Variants in HECW1 observed in about 807,000 individuals in gnomAD.
HECW1 encodes HECT, C2 and WW domain containing E3 ubiquitin protein ligase 1.
A neutral mutation model predicts 182.3 loss-of-function variants in HECW1; 61 were observed. That is an observed-to-expected ratio of 0.33 (90% confidence interval 0.27 to 0.41). The LOEUF (loss-of-function observed/expected upper bound fraction) is 0.41. Among genes scored for constraint, HECW1 ranks in the 10% least tolerant of loss-of-function variants. HECW1 has a pLI of 1.00. For missense variants in HECW1, 1,739 were observed against 2,108.9 expected (o/e 0.82, Z 3.44); for synonymous variants, 859 against 832.6 (o/e 1.03, Z -0.55).
intron 2 of HECW1, among the ~76,000 whole-genome samples, chr7:43,225,851 C>T (rs773750446): frequency 2.0e-5 from 3 of 151,824 alleles, no homozygotes; most frequent in Non-Finnish European, 2.9e-5. Flanking sequence ...GTAGTATGAT[C>T]GCAGCTGTCT....
At chr7:43,321,489 T>C (rs1810109364) in intron 5 of HECW1, among the ~76,000 whole-genome samples, 1 of 152,220 alleles carries the variant, frequency 6.6e-6, no homozygotes, top group Non-Finnish European at 1.5e-5. Flanking sequence ...GATTATGGGC[T>C]TGACATTTGC....
chr7:43,194,452 C>G (rs1469132426), intron 2 of HECW1: 1 of 152,066 alleles, frequency 6.6e-6, no homozygotes, highest in Non-Finnish European at 1.5e-5. Flanking sequence ...ATTTGTCTAG[C>G]AGGTTTTCCA....
intron 8 of HECW1, among the ~76,000 whole-genome samples, chr7:43,416,931 A>T (rs1191711836): frequency 6.6e-6 from 1 of 151,632 alleles, no homozygotes. Context: ...ACTGCCTGGC[A>T]CTCCCTAGTG....
intron 3 of HECW1, chr7:43,274,674 C>T (rs977789303): frequency 3.5e-6 from 1 of 281,976 alleles, no homozygotes; most frequent in African/African-American, 2.3e-5. Context: ...CGAGAGAGAG[C>T]GCGCAGTAAA....
intron 24 of HECW1, among the ~76,000 whole-genome samples, chr7:43,518,750 A>C (rs2152936354): frequency 6.6e-6 from 1 of 152,328 alleles, no homozygotes; most frequent in South Asian, 2.1e-4. Flanking sequence ...TGATTGATAA[A>C]CCCATTAAAA....
rs116629107 is a variant in HECW1 at position 43,473,448 on chromosome 7, A to G, written c.3099+4343A>G. On this transcript the variant is annotated intron_variant, in intron 16 of 29. Coordinates refer to ENST00000395891, the MANE Select transcript of HECW1 (RefSeq NM_015052.5). ...TTAATAGTGAGAAAATGATAGTATA[A>G]AAAGGACTAGTGGTGAGTATTTAAA... Among the ~76,000 whole-genome samples, 1,351 of 152,352 alleles carry G rather than the reference A, an allele frequency of 8.9e-3. 28 individuals are homozygous for G. Among genetic ancestry groups the G allele is most frequent in the African/African-American group, 0.03 (1,240 of 41,572 alleles).
rs192295169 is a variant in HECW1 at position 43,267,802 on chromosome 7, A to G, written c.27+23870A>G. Among the ~76,000 whole-genome samples, 135 of 152,272 alleles carry G rather than the reference A, an allele frequency of 8.9e-4. No homozygotes were observed. The Middle Eastern group carries it at 0.01, about 12-fold the overall frequency. ...AGAAATTTTTATGTTCAGAATTTTA[A>G]TAATATATTTGAAAGACTTGATGAG... On this transcript the variant is annotated intron_variant, in intron 3 of 29. Coordinates refer to ENST00000395891, the MANE Select transcript of HECW1 (RefSeq NM_015052.5).
chr7:43,460,740 G>A (rs570296976), intron 13 of HECW1, among the ~76,000 whole-genome samples: 1 of 152,218 alleles, frequency 6.6e-6, no homozygotes, highest in East Asian at 1.9e-4. Flanking sequence ...TTTAAAGCTC[G>A]GGAGCCTCTG....
intron 2 of HECW1, among the ~76,000 whole-genome samples, chr7:43,123,710 G>C (rs995105493): frequency 7.9e-5 from 12 of 152,200 alleles, no homozygotes; most frequent in African/African-American, 2.2e-4. Flanking sequence ...CAGGGTGGCA[G>C]ATGTTTCCAG....
intron 2 of HECW1, among the ~76,000 whole-genome samples, chr7:43,216,875 G>A (rs1796493657): frequency 1.3e-5 from 2 of 151,904 alleles, no homozygotes; most frequent in South Asian, 2.1e-4. Context: ...GGCTGGCCTC[G>A]AACCCCTGGC....
intron 2 of HECW1, among the ~76,000 whole-genome samples, chr7:43,114,876 G>A (rs1363825295): frequency 1.3e-5 from 2 of 152,198 alleles, no homozygotes; most frequent in Non-Finnish European, 1.5e-5. Flanking sequence ...TCTGTTATTT[G>A]TGTATATAGC....
At position 43,445,389 on chromosome 7, in the gene HECW1, G is replaced by A; in HGVS notation, c.2217G>A (p.Glu739=). Residue 739 remains glutamate (E), a synonymous_variant, in exon 11 of 30, where the codon GAG becomes GAA. Transcript: ENST00000395891. Reference sequence around the variant, plus strand: ...CGGTCTTCTCCTCGCAAGACGACGAGGAGGAGGAGAACAGCGCGTTCGAGT... The same window carrying A: ...CGGTCTTCTCCTCGCAAGACGACGAAGAGGAGGAGAACAGCGCGTTCGAGT... ...ESTVFSSQDD[E]EEENSAFESV... 1 of 1,613,536 alleles carries A rather than the reference G, an allele frequency of 6.2e-7. No homozygotes were observed. The highest frequency in any genetic ancestry group is 8.5e-7 in the Non-Finnish European group (1 of 1,179,960).
intron 6 of HECW1, among the ~76,000 whole-genome samples, chr7:43,375,230 C>T (rs1255948070): frequency 6.6e-6 from 1 of 151,892 alleles, no homozygotes; most frequent in African/African-American, 2.4e-5. Flanking sequence ...ATAGCAAAAG[C>T]CAAGAAAATT....
chr7:43,201,538 G>A (rs113151243), intron 2 of HECW1, among the ~76,000 whole-genome samples: 5 of 152,270 alleles, frequency 3.3e-5, no homozygotes, highest in African/African-American at 1.2e-4. Context: ...AACAGTAACG[G>A]AACAGCCAGT....
intron 16 of HECW1, among the ~76,000 whole-genome samples, chr7:43,472,925 T>G (rs948204642): frequency 6.6e-6 from 1 of 152,158 alleles, no homozygotes; most frequent in Non-Finnish European, 1.5e-5. Context: ...CCATCCTGAT[T>G]GTTACAGTTT....
intron 6 of HECW1, among the ~76,000 whole-genome samples, chr7:43,371,054 A>AT (rs1212607189): frequency 2.6e-5 from 4 of 151,812 alleles, no homozygotes; most frequent in African/African-American, 7.3e-5. Flanking sequence ...CGTCTGGCTA[A>AT]TTTTTTGTAT....
At chr7:43,410,188 T>C (rs934719926) in intron 8 of HECW1, among the ~76,000 whole-genome samples, 1 of 152,076 alleles carries the variant, frequency 6.6e-6, no homozygotes, top group African/African-American at 2.4e-5. Context: ...TGGGAGAAAA[T>C]GACTGGGTGG....
At chr7:43,533,829 G>C (rs775159020) in intron 24 of HECW1, among the ~76,000 whole-genome samples, 3 of 152,024 alleles carry the variant, frequency 2.0e-5, no homozygotes, top group African/African-American at 7.2e-5. Context: ...CCCAGCTTTG[G>C]GTCTCCCAAG....
intron 13 of HECW1, among the ~76,000 whole-genome samples, chr7:43,462,699 C>G (rs1466268508): frequency 2.0e-5 from 3 of 152,046 alleles, no homozygotes; most frequent in Admixed American, 6.5e-5. Flanking sequence ...TCTTCCCTCT[C>G]CACTGGTCTC....
Sources: allele counts gnomAD v4.1 joint callset (sites outside exome capture counted in the v4.1 genomes callset), GRCh38; gene constraint gnomAD v4.1.1; transcripts MANE v1.5; gene names NCBI Gene and HGNC (gene_info 2026-07-23, HGNC 2026-07-21).